The following XPO4 variants were observed in gnomAD, a reference collection of about 807,000 sequenced individuals.
The protein encoded by XPO4 is exportin 4, also known as exportin-4.
Under a neutral mutation model 143.0 loss-of-function variants are expected in XPO4, and 39 were observed. The observed-to-expected ratio is 0.27, with a 90% confidence interval of 0.21 to 0.36. XPO4 has a LOEUF of 0.36. XPO4 is among the 10% of genes least tolerant of loss of function. XPO4 has a pLI of 1.00. For missense variants in XPO4, 907 were observed against 1,348.0 expected (o/e 0.67, Z 5.12); for synonymous variants, 439 against 474.0 (o/e 0.93, Z 0.96).
rs201320997 is a variant in XPO4, at chr13:20,799,354, A to G, written c.2148-15T>C. ...CTAAGTTTGCCCTACAGGTAGAAAT[A>G]ACAAAACATAAGATGTATTACTATG... On this transcript the variant is annotated splice_polypyrimidine_tract_variant and intron_variant, in intron 15 of 22. Coordinates refer to ENST00000255305, the MANE Select transcript of XPO4 (RefSeq NM_022459.5). 11 of 1,609,032 alleles carry G rather than the reference A, an allele frequency of 6.8e-6. No homozygotes were observed. The highest frequency in any genetic ancestry group is 9.3e-6 in the Non-Finnish European group (11 of 1,176,536).
Position 20,787,501 on chromosome 13 carries a change from C to T in XPO4, c.3145G>A (p.Ala1049Thr). 1 of 1,614,216 alleles carries T rather than the reference C, an allele frequency of 6.2e-7. No homozygotes were observed. Among genetic ancestry groups the T allele is most frequent in the Non-Finnish European group, 8.5e-7 (1 of 1,180,024 alleles). The change falls in exon 21 of 23, where the codon GCA (alanine) becomes ACA (threonine). Residue 1049 changes from alanine to threonine, a missense_variant. Coordinates refer to ENST00000255305, the MANE Select transcript of XPO4 (RefSeq NM_022459.5). The stretch of plus-strand genomic sequence containing the variant: ...CTTACCTTAAGAAAGTGCCGTGTTG[C>T]TAGAAAAAGTGGTGAGTCTGTTTCT... ...AQETDSPLFLATRHFLKLVFD... is the reference protein window; with the variant it reads ...AQETDSPLFLTTRHFLKLVFD...
chr13:20,878,421 AG>A (rs2060375246), intron 1 of XPO4, among the ~76,000 whole-genome samples: 2 of 140,822 alleles, frequency 1.4e-5, no homozygotes, highest in African/African-American at 6.0e-5. Context: ...AGAAAAAAAA[AG>A]AAGAAGTAAC....
chr13:20,829,140 AT>A (rs1314315447), intron 6 of XPO4, among the ~76,000 whole-genome samples: 1 of 152,018 alleles, frequency 6.6e-6, no homozygotes, highest in African/African-American at 2.4e-5. Context: ...TTTGTTTTTA[AT>A]GAGACAGGGT....
intron 1 of XPO4, among the ~76,000 whole-genome samples, chr13:20,872,380 T>C (rs566187136): frequency 1.4e-4 from 21 of 152,238 alleles, no homozygotes; most frequent in Non-Finnish European, 3.1e-4. Context: ...CTTAGCATAA[T>C]GGACTACAAA....
chr13:20,780,519 G>A lies in XPO4; in HGVS notation c.*3203C>T, dbSNP rs1050443481. The A allele has an allele frequency of 7.2e-5, 11 of 152,116 alleles. No individual in the cohort carries two copies. Among genetic ancestry groups the A allele is most frequent in the Non-Finnish European group, 1.0e-4 (7 of 68,008 alleles). The allele number at this position is 152,116 out of a possible 1,614,324, so 9.4% of individuals were successfully genotyped here. On this transcript the variant is annotated 3_prime_UTR_variant, in exon 23 of 23. Transcript: ENST00000255305. Reference sequence around the variant, plus strand: ...AGGGGAGTGTTAAATAATGCTGACTGGGGGGAAATGATATAGATACTTGCT... The same window carrying A: ...AGGGGAGTGTTAAATAATGCTGACTAGGGGGAAATGATATAGATACTTGCT...
chr13:20,868,410 C>T (rs1195640669), intron 2 of XPO4, 186 bp downstream of exon 2: 1 of 976,706 alleles, frequency 1.0e-6, no homozygotes, highest in South Asian at 2.7e-5. Flanking sequence ...AAAGTAAAAA[C>T]AAAGTTTCCC....
intron 18 of XPO4, among the ~76,000 whole-genome samples, chr13:20,792,147 C>T (rs2059289407): frequency 6.6e-6 from 1 of 152,176 alleles, no homozygotes; most frequent in East Asian, 1.9e-4. Context: ...GTCAAGAAAG[C>T]AGGTCGGATA....
chr13:20,793,044 C>G lies in XPO4; in HGVS notation c.2798-2464G>C, dbSNP rs1293940654. Among the ~76,000 whole-genome samples, 3 of 152,168 alleles carry G rather than the reference C, an allele frequency of 2.0e-5. No individual in the cohort carries two copies. The East Asian group carries it at 5.8e-4, about 29-fold the overall frequency. ...ACCTTAGGTGATCCACCCGCCTCAG[C>G]CTCCCAAAGTGCTGGGATTACAGGC... On this transcript the variant is annotated intron_variant, in intron 18 of 22. Coordinates refer to ENST00000255305, the MANE Select transcript of XPO4 (RefSeq NM_022459.5).
chr13:20,833,246 G>C (rs1299139146), intron 6 of XPO4, among the ~76,000 whole-genome samples: 1 of 152,008 alleles, frequency 6.6e-6, no homozygotes, highest in African/African-American at 2.4e-5. Flanking sequence ...CTGTGCTAGG[G>C]CTCAACAATG....
intron 4 of XPO4, among the ~76,000 whole-genome samples, chr13:20,844,904 G>A (rs1334525789): frequency 2.0e-5 from 3 of 152,222 alleles, no homozygotes; most frequent in African/African-American, 7.2e-5. Context: ...GGACACAGTG[G>A]CTCATGCCTG....
chr13:20,845,708 C>T (rs763475164), intron 4 of XPO4, among the ~76,000 whole-genome samples: 1 of 152,100 alleles, frequency 6.6e-6, no homozygotes, highest in South Asian at 2.1e-4. Context: ...ATAGTGCCAG[C>T]AATTAACATT....
At chr13:20,793,939 C>T (rs962529005) in intron 18 of XPO4, among the ~76,000 whole-genome samples, 2 of 152,088 alleles carry the variant, frequency 1.3e-5, no homozygotes, top group Non-Finnish European at 2.9e-5. Flanking sequence ...CATCTAGAGT[C>T]CAGTAAGGAA....
intron 19 of XPO4, among the ~76,000 whole-genome samples, chr13:20,789,804 ACTC>A (rs1247479097): frequency 2.6e-5 from 4 of 151,028 alleles, no homozygotes; most frequent in African/African-American, 4.9e-5. Context: ...ACACACACAA[ACTC>A]CTCCTTTCCT....
chr13:20,875,265 A>G (rs2060340462), intron 1 of XPO4, among the ~76,000 whole-genome samples: 1 of 152,212 alleles, frequency 6.6e-6, no homozygotes, highest in South Asian at 2.1e-4. Flanking sequence ...CATTAACACA[A>G]AATGAAACAT....
intron 4 of XPO4, among the ~76,000 whole-genome samples, chr13:20,845,647 T>C (rs71426038): frequency 0.037 from 5,683 of 152,304 alleles, 232 homozygotes; most frequent in African/African-American, 0.098. Context: ...ATTTTTTTAG[T>C]TAACAAAATT....
intron 4 of XPO4, among the ~76,000 whole-genome samples, chr13:20,847,502 C>A (rs2060039665): frequency 6.6e-6 from 1 of 152,110 alleles, no homozygotes; most frequent in East Asian, 1.9e-4. Flanking sequence ...AGGAGATCAC[C>A]AGCTTCAGCT....
At chr13:20,842,666 T>A (rs2059987908) in intron 6 of XPO4, among the ~76,000 whole-genome samples, 1 of 152,254 alleles carries the variant, frequency 6.6e-6, no homozygotes, top group African/African-American at 2.4e-5. Context: ...CACGTTTCTA[T>A]GTATTCAAAC....
At chr13:20,882,597 A>G (rs2060422926) in intron 1 of XPO4, among the ~76,000 whole-genome samples, 1 of 152,124 alleles carries the variant, frequency 6.6e-6, no homozygotes, top group South Asian at 2.1e-4. Context: ...TAAAGAGTCT[A>G]GGAGAATTGG....
chr13:20,860,547 C>G (rs899251767), intron 3 of XPO4, among the ~76,000 whole-genome samples: 2 of 152,136 alleles, frequency 1.3e-5, no homozygotes, highest in Non-Finnish European at 2.9e-5. Context: ...TGCAAAACAA[C>G]AAACAAAATA....
Sources: allele counts gnomAD v4.1 joint callset (sites outside exome capture counted in the v4.1 genomes callset), GRCh38; gene constraint gnomAD v4.1.1; transcripts MANE v1.5; gene names NCBI Gene and HGNC (gene_info 2026-07-23, HGNC 2026-07-21).